The following HS6ST2 variants were observed in gnomAD, a reference collection of about 807,000 sequenced individuals.
HS6ST2 encodes heparan sulfate 6-O-sulfotransferase 2.
HS6ST2 carries 17 observed loss-of-function variants against 33.0 expected under a neutral mutation model. That is an observed-to-expected ratio of 0.52 (90% CI 0.35 to 0.77). HS6ST2 has a LOEUF of 0.77. HS6ST2 is among the 30% of genes least tolerant of loss of function. The pLI, the probability that HS6ST2 is intolerant of heterozygous loss-of-function variation, is 0.01. For synonymous variants in HS6ST2, 248 were observed against 237.1 expected (o/e 1.05, Z -0.42); for missense variants, 519 against 551.7 (o/e 0.94, Z 0.59).
chrX:132,691,817 T>C (rs1158346825), intron 3 of HS6ST2, among the ~76,000 whole-genome samples: 2 of 111,726 alleles, frequency 1.8e-5, no homozygotes, highest in Admixed American at 9.5e-5. Flanking sequence ...TCTTAATAAG[T>C]TGCATATTTT....
intron 2 of HS6ST2, among the ~76,000 whole-genome samples, chrX:132,832,625 T>G (rs1372570290): frequency 8.9e-6 from 1 of 112,121 alleles, no homozygotes; most frequent in Non-Finnish European, 1.9e-5. Context: ...TTTTTTTATT[T>G]TAATATATGA....
intron 2 of HS6ST2, among the ~76,000 whole-genome samples, chrX:132,777,982 T>C (rs1392176775): frequency 8.9e-6 from 1 of 112,073 alleles, no homozygotes; most frequent in East Asian, 2.8e-4. Context: ...CAGCAGACTT[T>C]GAATGAATTC....
At chrX:132,669,308 C>G in intron 3 of HS6ST2, 109 bp from the exon 4 acceptor site, 3 of 523,527 alleles carry the variant, frequency 5.7e-6, no homozygotes, top group Non-Finnish European at 9.0e-6. Context: ...CATATCCCCC[C>G]ACCACCCCCT....
chrX:132,831,783 T>C (rs2065592532), intron 2 of HS6ST2, among the ~76,000 whole-genome samples: 1 of 112,198 alleles, frequency 8.9e-6, no homozygotes, highest in South Asian at 3.7e-4. Flanking sequence ...ACAGGATGAA[T>C]CTGAAACAGC....
At chrX:132,640,442 A>C (rs907680005) in intron 4 of HS6ST2, among the ~76,000 whole-genome samples, 3 of 111,486 alleles carry the variant, frequency 2.7e-5, no homozygotes, top group African/African-American at 9.8e-5. Context: ...CAGGAAACTA[A>C]TAGATGTTTT....
At chrX:132,853,563 T>C (rs1040182181) in intron 2 of HS6ST2, among the ~76,000 whole-genome samples, 8 of 111,030 alleles carry the variant, frequency 7.2e-5, no homozygotes, top group African/African-American at 2.6e-4. Context: ...AATCAGACTA[T>C]GAATAATCAA....
chrX:132,745,392 T>G (rs183862921), intron 2 of HS6ST2, among the ~76,000 whole-genome samples: 230 of 108,749 alleles, frequency 2.1e-3, no homozygotes, highest in African/African-American at 7.1e-3. Flanking sequence ...GCCCCGATAG[T>G]TTTTTTTTTA....
chrX:132,745,993 C>G (rs1305262533), intron 2 of HS6ST2, among the ~76,000 whole-genome samples: 1 of 111,867 alleles, frequency 8.9e-6, no homozygotes, highest in Non-Finnish European at 1.9e-5. Context: ...GACAACGCTT[C>G]CTACAACAGC....
At chrX:132,653,247 C>T (rs1417192761) in intron 4 of HS6ST2, among the ~76,000 whole-genome samples, 2 of 111,848 alleles carry the variant, frequency 1.8e-5, no homozygotes, top group Non-Finnish European at 3.8e-5. Flanking sequence ...AAGAGATTTG[C>T]TTATAGCCCT....
intron 2 of HS6ST2, among the ~76,000 whole-genome samples, chrX:132,811,869 T>C (rs757650759): frequency 8.1e-4 from 87 of 107,498 alleles, no homozygotes; most frequent in Non-Finnish European, 1.4e-3. Context: ...TTTTAAAATG[T>C]ACAATTAAAT....
chrX:132,670,378 T>C (rs185090881), intron 3 of HS6ST2, among the ~76,000 whole-genome samples: 210 of 111,604 alleles, frequency 1.9e-3, no homozygotes, highest in African/African-American at 6.6e-3. Context: ...AATGACTTCA[T>C]GGATATGATT....
At chrX:132,651,896 C>A (rs1450446414) in intron 4 of HS6ST2, among the ~76,000 whole-genome samples, 2 of 111,829 alleles carry the variant, frequency 1.8e-5, no homozygotes, top group Non-Finnish European at 3.8e-5. Context: ...CACCAAGGGG[C>A]TGTTTTTAGG....
intron 2 of HS6ST2, among the ~76,000 whole-genome samples, chrX:132,925,193 C>T (rs1007248798): frequency 3.2e-4 from 36 of 112,020 alleles, no homozygotes; most frequent in Admixed American, 6.6e-4. Flanking sequence ...AGAATGCTTC[C>T]ATATTGGTGA....
At position 132,785,580 on chromosome X, in the gene HS6ST2, T is replaced by C. The variant is rs148234125; in HGVS notation, c.948-77086A>G. On this transcript the variant is annotated intron_variant, in intron 2 of 4. Coordinates refer to ENST00000370833, the MANE Select transcript of HS6ST2 (RefSeq NM_001394073.1). ...CTCCCAAAGGGACACACTAACATCATTGGACACTTGGAGGATGGCTTCTAA... is the reference window on the plus strand; with the variant it reads ...CTCCCAAAGGGACACACTAACATCACTGGACACTTGGAGGATGGCTTCTAA... Among the ~76,000 whole-genome samples, 394 of 111,706 alleles carry C rather than the reference T, an allele frequency of 3.5e-3. 1 individual carries two copies. The highest frequency in any genetic ancestry group is 0.012 in the African/African-American group (369 of 30,766).
chrX:132,782,068 T>A (rs143921304), intron 2 of HS6ST2, among the ~76,000 whole-genome samples: 1,361 of 111,524 alleles, frequency 0.012, 25 homozygotes, highest in African/African-American at 0.042. Flanking sequence ...GAGGGGTGAT[T>A]CCATGATGAA....
chrX:132,717,969 T>C (rs1602606212), intron 2 of HS6ST2, among the ~76,000 whole-genome samples: 2 of 111,516 alleles, frequency 1.8e-5, no homozygotes, highest in Admixed American at 1.9e-4. Flanking sequence ...CAGTGCTTTT[T>C]CCCCAAGCAT....
intron 2 of HS6ST2, among the ~76,000 whole-genome samples, chrX:132,740,922 C>G (rs914532707): frequency 8.9e-5 from 10 of 112,285 alleles, no homozygotes; most frequent in African/African-American, 2.9e-4. Context: ...GTGACACAGA[C>G]AGTGGCTGAG....
chrX:132,816,228 A>T (rs1054259595), intron 2 of HS6ST2, among the ~76,000 whole-genome samples: 1 of 111,818 alleles, frequency 8.9e-6, no homozygotes, highest in Middle Eastern at 4.6e-3. Context: ...CCCTTTGCCA[A>T]CTTACTTTCT....
At chrX:132,667,855 T>C (rs1023797652) in intron 4 of HS6ST2, 11 of 112,626 alleles carry the variant, frequency 9.8e-5, no homozygotes, top group South Asian at 3.7e-4. Context: ...TTTGAAAACA[T>C]TCAGCTGCCT....
Sources: gnomAD v4.1 joint callset for allele counts (sites outside exome capture counted in the v4.1 genomes callset) on GRCh38, gnomAD v4.1.1 for gene constraint, MANE v1.5 for transcripts, NCBI Gene and HGNC (gene_info 2026-07-23, HGNC 2026-07-21) for gene names.